The following SLC25A28 variants were observed in gnomAD, a reference collection of about 807,000 sequenced individuals.
SLC25A28 encodes the protein mitoferrin-2.
Under a neutral mutation model 31.9 loss-of-function variants are expected in SLC25A28, and 10 were observed. The ratio of observed to expected loss-of-function variants is 0.31; its 90% confidence interval spans 0.19 to 0.53. The LOEUF is 0.53. SLC25A28 is among the 20% of genes least tolerant of loss of function. The pLI, the probability that SLC25A28 is intolerant of heterozygous loss-of-function variation, is 0.95. For synonymous variants in SLC25A28, 208 were observed against 203.6 expected (o/e 1.02, Z -0.19); for missense variants, 256 against 490.3 (o/e 0.52, Z 4.51).
At position 99,611,092 on chromosome 10, in the gene SLC25A28, A is replaced by G; in HGVS notation, c.852T>C (p.Val284=). 1.2e-6 allele frequency: 2 copies of G among 1,614,160 alleles called. No homozygotes were observed. Among genetic ancestry groups the G allele is most frequent in the South Asian group, 2.2e-5 (2 of 91,080 alleles). The change falls in exon 4 of 4, where the codon GTT becomes GTC. Residue 284 remains valine, a synonymous_variant. Coordinates refer to ENST00000370495, the MANE Select transcript of SLC25A28 (RefSeq NM_031212.4). The surrounding 1 kb of genome is among the most constrained non-coding windows in gnomAD (Gnocchi z 5.5). ...VAAAATTPLD[V]CKTLLNTQES... ...CCTGGGTGTTGAGCAGTGTTTTGCA[A>G]ACGTCCAGTGGGGTTGTGGCTGCGG...
At chr10:99,628,783 T>G in the SLC25A28 span, among the ~76,000 whole-genome samples, 1 of 152,152 alleles carries the variant, frequency 6.6e-6, no homozygotes, top group Non-Finnish European at 1.5e-5. Flanking sequence ...ATCACGCCAT[T>G]GCACTCTAGC....
rs1022979449 is a variant in SLC25A28 at position 99,611,734 on chromosome 10, T to C, written c.578-368A>G. Among the ~76,000 whole-genome samples, 1 of 152,262 alleles carries C rather than the reference T, an allele frequency of 6.6e-6. No homozygotes were observed. The highest frequency in any genetic ancestry group is 1.5e-5 in the Non-Finnish European group (1 of 68,018). The stretch of plus-strand genomic sequence containing the variant: ...AGAAATGACTCCATGATAGTGATCA[T>C]CACGAACACAGGCCCCTAACAATCC... On this transcript the variant is annotated intron_variant, in intron 3 of 3. Transcript: ENST00000370495. This position sits in a 1 kb window ranked among gnomAD's most constrained non-coding sequence, Gnocchi z 5.5.
chr10:99,617,734 T>C (rs771075394), intron 1 of SLC25A28: 338 of 985,476 alleles, frequency 3.4e-4, no homozygotes, highest in Non-Finnish European at 3.8e-4. Context: ...TAAGCTTTCG[T>C]ATTGTTGACA....
chr10:99,653,301 C>A, the SLC25A28 span, among the ~76,000 whole-genome samples: 1 of 152,192 alleles, frequency 6.6e-6, no homozygotes. Context: ...GGTACTCAAG[C>A]AGCCCTGGGA....
upstream of SLC25A28, chr10:99,621,869 T>C (rs935198325): frequency 1.3e-5 from 2 of 152,266 alleles, no homozygotes; most frequent in Non-Finnish European, 2.9e-5. Flanking sequence ...TATTAACCTT[T>C]AGGTCGCGAC....
the SLC25A28 span, among the ~76,000 whole-genome samples, chr10:99,634,432 A>AATAG: frequency 0.85 from 128,943 of 151,610 alleles, 54,885 homozygotes; most frequent in Middle Eastern, 0.9. Context: ...TATTCGAGGA[A>AATAG]ATAGCATAAA....
chr10:99,654,642 T>C, the SLC25A28 span, among the ~76,000 whole-genome samples: 1 of 133,170 alleles, frequency 7.5e-6, no homozygotes, highest in East Asian at 2.2e-4. Context: ...AGTAACAGAG[T>C]GAGACCCATC....
intron 1 of SLC25A28, chr10:99,616,892 T>A: frequency 1.1e-6 from 1 of 935,952 alleles, no homozygotes; most frequent in Admixed American, 6.2e-5. Context: ...AATGAATAAA[T>A]GTATGTAAGG....
chr10:99,613,523 G>C lies in SLC25A28; in HGVS notation c.520+173C>G, dbSNP rs999540248. The C allele has an allele frequency of 3.4e-6, 5 of 1,463,402 alleles. No homozygotes were observed. The Admixed American group carries it at 7.3e-5, about 21-fold the overall frequency. 90.7% of individuals were successfully genotyped at this position (1,463,402 alleles called of 1,614,324 possible). Reference sequence around the variant, plus strand: ...GAGGTGCCCCAAAGGAAAAGGCAGGGTTGAAGCGGCCCGTTGTCTGAGAAC... The same window carrying C: ...GAGGTGCCCCAAAGGAAAAGGCAGGCTTGAAGCGGCCCGTTGTCTGAGAAC... On this transcript the variant is annotated intron_variant, in intron 2 of 3. Coordinates refer to ENST00000370495, the MANE Select transcript of SLC25A28 (RefSeq NM_031212.4). This position sits in a 1 kb window ranked among gnomAD's most constrained non-coding sequence, Gnocchi z 4.9.
chr10:99,622,231 C>T (rs911540049), upstream of SLC25A28, among the ~76,000 whole-genome samples: 9 of 152,170 alleles, frequency 5.9e-5, no homozygotes, highest in African/African-American at 2.2e-4. Context: ...GTCTCAGCTA[C>T]TTGGGGGAGG....
the SLC25A28 span, among the ~76,000 whole-genome samples, chr10:99,644,662 C>T: frequency 6.6e-6 from 1 of 152,164 alleles, no homozygotes; most frequent in Non-Finnish European, 1.5e-5. Context: ...ATGGTCTTTA[C>T]AATTTGGCAT....
intron 1 of SLC25A28, chr10:99,616,956 A>C (rs1244786570): frequency 1.0e-6 from 1 of 984,418 alleles, no homozygotes; most frequent in Non-Finnish European, 1.2e-6. Context: ...TACTAGATGC[A>C]AGAAAATCAA....
At chr10:99,624,824 G>A (rs1222441866), upstream of SLC25A28, among the ~76,000 whole-genome samples, 3 of 152,248 alleles carry the variant, frequency 2.0e-5, no homozygotes, top group East Asian at 5.8e-4. Flanking sequence ...GATAGAGTGA[G>A]ACCCTATCTC....
At chr10:99,651,584 TTTTTC>T in the SLC25A28 span, among the ~76,000 whole-genome samples, 1 of 107,686 alleles carries the variant, frequency 9.3e-6, no homozygotes, top group East Asian at 2.7e-4. Context: ...CTTAGTTGCC[TTTTTC>T]TTTTCTTTTT....
At chr10:99,617,200 A>G in intron 1 of SLC25A28, 1 of 985,452 alleles carries the variant, frequency 1.0e-6, no homozygotes, top group Non-Finnish European at 1.2e-6. Flanking sequence ...CCCCATAGAT[A>G]AAGTCTGGCG....
intron 3 of SLC25A28, 56 bp downstream of exon 3, chr10:99,612,487 C>A: frequency 6.3e-7 from 1 of 1,588,450 alleles, no homozygotes; most frequent in South Asian, 1.1e-5. Context: ...CTTCTGCAAA[C>A]TGTAAAGAAA....
chr10:99,618,844 A>G, intron 1 of SLC25A28: 1 of 985,438 alleles, frequency 1.0e-6, no homozygotes, highest in Non-Finnish European at 1.2e-6. Context: ...AGTAAAAGGG[A>G]TCTACTTTGC....
the SLC25A28 span, among the ~76,000 whole-genome samples, chr10:99,629,701 C>G: frequency 6.6e-6 from 1 of 152,148 alleles, no homozygotes; most frequent in Non-Finnish European, 1.5e-5. Context: ...ATAGATAGCT[C>G]TATAGAGACA....
At chr10:99,634,641 G>A in the SLC25A28 span, among the ~76,000 whole-genome samples, 1 of 152,152 alleles carries the variant, frequency 6.6e-6, no homozygotes, top group African/African-American at 2.4e-5. Flanking sequence ...AGAAGTCTGG[G>A]ATTCTATTAA....
Sources: gnomAD v4.1 joint callset for allele counts (sites outside exome capture counted in the v4.1 genomes callset) on GRCh38, gnomAD v4.1.1 for gene constraint, Gnocchi (gnomAD v3.1) non-coding constraint, MANE v1.5 for transcripts, NCBI Gene and HGNC (gene_info 2026-07-23, HGNC 2026-07-21) for gene names.